Variants in PIGG observed in about 807,000 individuals in gnomAD.
PIGG encodes the protein phosphatidylinositol glycan anchor biosynthesis class G (EMM blood group).
In PIGG, 70 loss-of-function variants were observed where a neutral mutation model predicts 83.2. That is an observed-to-expected ratio of 0.84 (90% CI 0.69 to 1.03). The LOEUF is 1.03. Among genes scored for constraint, PIGG ranks in the 50% least tolerant of loss-of-function variants. PIGG has a pLI of 0.00. For synonymous variants in PIGG, 532 were observed against 519.5 expected (o/e 1.02, Z -0.33); for missense variants, 1,257 against 1,233.6 (o/e 1.02, Z -0.28).
intron 3 of PIGG, among the ~76,000 whole-genome samples, chr4:506,378 G>T (rs1472956061): frequency 6.6e-6 from 1 of 152,166 alleles, no homozygotes; most frequent in African/African-American, 2.4e-5. Context: ...GGTGGGGCCT[G>T]GTCCTGAGGG....
At chr4:501,141 A>G (rs1326392152) in intron 2 of PIGG, 1 of 456,240 alleles carries the variant, frequency 2.2e-6, no homozygotes, top group Non-Finnish European at 4.4e-6. Context: ...TACATAGTGC[A>G]TTTCCCAAGA....
intron 2 of PIGG, among the ~76,000 whole-genome samples, chr4:503,843 T>TAC (rs1491130380): frequency 2.1e-5 from 2 of 93,826 alleles, no homozygotes; most frequent in African/African-American, 8.7e-5. Context: ...TTTGTGATTT[T>TAC]ATACACACAC....
At chr4:503,936 G>C (rs1186850705) in intron 2 of PIGG, among the ~76,000 whole-genome samples, 1 of 151,340 alleles carries the variant, frequency 6.6e-6, no homozygotes, top group Non-Finnish European at 1.5e-5. Context: ...TGCCTTTTAA[G>C]GAGTACAATT....
Position 521,922 on chromosome 4 carries a change from G to T in PIGG, c.1595G>T (p.Gly532Val). The T allele has an allele frequency of 6.2e-7, 1 of 1,614,214 alleles. No individual in the cohort carries two copies. The highest frequency in any genetic ancestry group is 8.5e-7 in the Non-Finnish European group (1 of 1,180,036). The change falls in exon 8 of 13, where the codon GGT becomes GTT. Residue 532 changes from glycine to valine, a missense_variant. Gly to Val is a moderately radical substitution (Grantham distance 109). Coordinates refer to ENST00000453061, the MANE Select transcript of PIGG (RefSeq NM_001127178.3). The stretch of plus-strand genomic sequence containing the variant: ...TCTGTTCTGACCAACGTGCTCGTGG[G>T]TGGAAACACCCCAAGGAAGGTACGT... Reference protein sequence around the residue: ...IVSVLTNVLVGGNTPRKNPMH... With the variant: ...IVSVLTNVLVVGNTPRKNPMH...
rs1251980701 is a variant in PIGG at position 521,293 on chromosome 4, C to CAT, written c.1332+21_1332+22dup. On this transcript the variant is annotated intron_variant, in intron 7 of 12. Coordinates refer to ENST00000453061, the MANE Select transcript of PIGG (RefSeq NM_001127178.3). Reference sequence around the variant, plus strand: ...TTGGAGGTACAGATGCTCACACAGTCATGGCTCAGGTGTTGCATTGATTTG... The same window carrying CAT: ...TTGGAGGTACAGATGCTCACACAGTCATATGGCTCAGGTGTTGCATTGATTTG... The CAT allele has an allele frequency of 1.3e-6, 2 of 1,543,756 alleles. No individual in the cohort carries two copies. The highest frequency in any genetic ancestry group is 1.8e-6 in the Non-Finnish European group (2 of 1,117,412).
chr4:532,215 A>T (rs916578350), intron 11 of PIGG: 2 of 152,340 alleles, frequency 1.3e-5, no homozygotes, highest in African/African-American at 4.8e-5. Context: ...TCCCTGTTTG[A>T]TGAGGATAAT....
chr4:510,485 G>A (rs1330743244), intron 5 of PIGG, among the ~76,000 whole-genome samples: 5 of 152,222 alleles, frequency 3.3e-5, no homozygotes, highest in Non-Finnish European at 5.9e-5. Flanking sequence ...TCACAGTGCT[G>A]CAGAGATTTT....
chr4:528,596 T>A lies in PIGG; in HGVS notation c.2261+1366T>A. 1.0e-6 allele frequency: 1 copy of A among 985,230 alleles called. No homozygotes were observed. Among genetic ancestry groups the A allele is most frequent in the Non-Finnish European group, 1.2e-6 (1 of 829,778 alleles). 61.0% of individuals were successfully genotyped at this position (985,230 alleles called of 1,614,324 possible). The stretch of plus-strand genomic sequence containing the variant: ...TGCTGACGTGCAGGTACCAGCGGTG[T>A]TCTGTGGAGATGTCTCAAAGGCTGT... On this transcript the variant is annotated intron_variant, in intron 10 of 12. Transcript: ENST00000453061. The surrounding 1 kb of genome is among the most constrained non-coding windows in gnomAD (Gnocchi z 4.8).
chr4:507,294 C>T, intron 3 of PIGG, 111 bp from the exon 4 acceptor site: 1 of 833,052 alleles, frequency 1.2e-6, no homozygotes, highest in South Asian at 1.7e-5. Context: ...CCCCCAAATC[C>T]TGTAACCTGA....
rs757623837 is a variant in PIGG at position 530,588 on chromosome 4, C to T, written c.2414C>T (p.Ala805Val). 3.7e-6 allele frequency: 6 copies of T among 1,613,914 alleles called. No individual in the cohort carries two copies. Among genetic ancestry groups the T allele is most frequent in the Non-Finnish European group, 5.1e-6 (6 of 1,179,824 alleles). ...ATATATAGTGGATTAGTTCTTCTGG[C>T]AGCCTTGCTCTTTAGACCACATAAT... ...WEIYSGLVLL[A>V]ALLFRPHNLP... The change falls in exon 11 of 13, where the codon GCA (alanine) becomes GTA (valine). Residue 805 changes from alanine (A) to valine (V), a missense_variant. Coordinates refer to ENST00000453061, the MANE Select transcript of PIGG (RefSeq NM_001127178.3).
At chr4:538,085 G>A (rs1275157766) in intron 12 of PIGG, among the ~76,000 whole-genome samples, 1 of 151,906 alleles carries the variant, frequency 6.6e-6, no homozygotes, top group African/African-American at 2.4e-5. Context: ...TGACAGGACC[G>A]AGGGGCCCTT....
intron 1 of PIGG, 25 bp downstream of exon 1, chr4:499,514 C>A (rs782403986): frequency 6.3e-7 from 1 of 1,575,516 alleles, no homozygotes; most frequent in African/African-American, 1.3e-5. Flanking sequence ...CCGGCGTCTC[C>A]GCTCCCCTGA....
At chr4:534,822 C>CA (rs1342030812) in intron 12 of PIGG, among the ~76,000 whole-genome samples, 1 of 152,130 alleles carries the variant, frequency 6.6e-6, no homozygotes, top group Non-Finnish European at 1.5e-5. Context: ...GCCCCCCATC[C>CA]ACACACCCGT....
At chr4:512,612 C>T (rs545357643) in intron 5 of PIGG, among the ~76,000 whole-genome samples, 102 of 151,894 alleles carry the variant, frequency 6.7e-4, no homozygotes, top group East Asian at 1.6e-3. Flanking sequence ...GGCAGAAGTT[C>T]GAGACCAGCC....
At chr4:527,641 T>A in intron 10 of PIGG, 1 of 991,570 alleles carries the variant, frequency 1.0e-6, no homozygotes, top group Non-Finnish European at 1.2e-6. Flanking sequence ...GATGAGTGGA[T>A]GTTTCCCAGC....
chr4:536,456 G>A (rs1730637182), intron 12 of PIGG: 1 of 152,314 alleles, frequency 6.6e-6, no homozygotes, highest in African/African-American at 2.4e-5. Context: ...AGAAAGCTGA[G>A]GCTCTGCGGG....
intron 10 of PIGG, chr4:527,938 G>A (rs2109000785): frequency 1.0e-6 from 1 of 985,342 alleles, no homozygotes; most frequent in Non-Finnish European, 1.2e-6. Flanking sequence ...TATAAGCAGA[G>A]GCAGGAGCCT....
intron 5 of PIGG, among the ~76,000 whole-genome samples, chr4:514,313 T>A (rs1723160397): frequency 6.6e-6 from 1 of 152,202 alleles, no homozygotes; most frequent in African/African-American, 2.4e-5. Context: ...TATCACTGAG[T>A]AGTGTTCATA....
At chr4:501,292 T>C (rs1281864127) in intron 2 of PIGG, 2 of 371,960 alleles carry the variant, frequency 5.4e-6, no homozygotes, top group East Asian at 7.6e-5. Context: ...TCTTTAGATA[T>C]ACAGCCACTC....
Sources: allele counts gnomAD v4.1 joint callset (sites outside exome capture counted in the v4.1 genomes callset), GRCh38; gene constraint gnomAD v4.1.1; non-coding constraint Gnocchi (gnomAD v3.1); transcripts MANE v1.5; gene names NCBI Gene and HGNC (gene_info 2026-07-23, HGNC 2026-07-21).